Variants in CCAR1 observed in about 807,000 individuals in gnomAD.
The protein encoded by CCAR1 is cell division cycle and apoptosis regulator 1, also known as cell division cycle and apoptosis regulator protein 1.
Under a neutral mutation model 163.8 loss-of-function variants are expected in CCAR1, and 78 were observed. The observed-to-expected ratio is 0.48, with a 90% confidence interval of 0.40 to 0.57. The LOEUF (loss-of-function observed/expected upper bound fraction) is 0.57, where lower values mean the gene tolerates loss of function less well. Ranked by LOEUF, CCAR1 falls within the 20% of genes least tolerant of loss-of-function variation. The pLI is 0.00. For missense variants in CCAR1, 1,019 were observed against 1,365.2 expected (o/e 0.75, Z 4.00); for synonymous variants, 443 against 460.7 (o/e 0.96, Z 0.49).
chr10:68,726,191 G>T lies in CCAR1; in HGVS notation c.73+3614G>T, dbSNP rs183500020. On this transcript the variant is annotated intron_variant, in intron 2 of 24. Transcript: ENST00000265872. ...TTTTGAGATTGAGTCTCGCTCTGTT[G>T]CCCAGGCTGGAGTGCAGTGGCATGA... Among the ~76,000 whole-genome samples, 4 of 140,538 alleles carry T rather than the reference G, an allele frequency of 2.8e-5. No homozygotes were observed. In the East Asian group the frequency reaches 8.6e-4, roughly 30 times the overall value. 92.2% of individuals were successfully genotyped at this position (140,538 alleles called of 152,430 possible). A position where few individuals can be genotyped will look rare whatever the true frequency, so the allele number is the denominator to read the frequency against.
intron 15 of CCAR1, among the ~76,000 whole-genome samples, chr10:68,758,503 AGTGTGT>A (rs71028777): frequency 0.049 from 6,103 of 124,534 alleles, 250 homozygotes; most frequent in African/African-American, 0.1. Flanking sequence ...CATCCTGGGC[AGTGTGT>A]GTGTGTGTGT....
intron 17 of CCAR1, among the ~76,000 whole-genome samples, chr10:68,767,114 CTT>C (rs2056545848): frequency 6.6e-6 from 1 of 152,152 alleles, no homozygotes; most frequent in Non-Finnish European, 1.5e-5. Context: ...CTAGTTGTCT[CTT>C]TTGGGGATGA....
At chr10:68,768,304 CT>C (rs111504410) in intron 17 of CCAR1, among the ~76,000 whole-genome samples, 11,625 of 147,516 alleles carry the variant, frequency 0.079, 1,242 homozygotes, top group African/African-American at 0.25. Context: ...ATGATGTTAT[CT>C]TTTTTTTTTT....
At chr10:68,745,620 C>T (rs140041944) in intron 6 of CCAR1, among the ~76,000 whole-genome samples, 2,358 of 152,052 alleles carry the variant, frequency 0.016, 75 homozygotes, top group African/African-American at 0.054. Context: ...CCTACCACCA[C>T]GCCTGGCTAA....
At chr10:68,753,755 C>A in intron 10 of CCAR1, 97 bp from the exon 11 acceptor site, 1 of 894,636 alleles carries the variant, frequency 1.1e-6, no homozygotes, top group Non-Finnish European at 1.8e-6. Context: ...TTTCAGCTTA[C>A]TTTTTACTAT....
At chr10:68,775,591 C>T (rs983992149) in intron 19 of CCAR1, among the ~76,000 whole-genome samples, 1 of 150,594 alleles carries the variant, frequency 6.6e-6, no homozygotes, top group East Asian at 1.9e-4. Context: ...CTCACTGCAA[C>T]CTCTGCCTCC....
Position 68,761,145 on chromosome 10 carries a change from A to C in CCAR1, c.2059A>C (p.Lys687Gln). 6.2e-7 allele frequency: 1 copy of C among 1,609,996 alleles called. No homozygotes were observed. The highest frequency in any genetic ancestry group is 8.5e-7 in the Non-Finnish European group (1 of 1,178,646). ...EEQKELEKSE[K>Q]EEDEDDDRKS... ...ACAGAAGGAGTTAGAGAAATCTGAAAAAGAAGAGGATGAGGATGATGATAG... is the reference window on the plus strand; with the variant it reads ...ACAGAAGGAGTTAGAGAAATCTGAACAAGAAGAGGATGAGGATGATGATAG... Residue 687 changes from lysine to glutamine, a missense_variant, in exon 16 of 25, where the codon AAA becomes CAA. Around this residue, in one of 4 missense-constraint regions of CCAR1, gnomAD observed 644 missense variants for 904.4 expected, o/e 0.71. Transcript: ENST00000265872.
intron 23 of CCAR1, among the ~76,000 whole-genome samples, chr10:68,789,392 G>A (rs914277627): frequency 1.3e-5 from 2 of 151,338 alleles, no homozygotes; most frequent in African/African-American, 4.8e-5. Flanking sequence ...AGGAGTTCGA[G>A]ACCAGCCTGA....
chr10:68,742,319 C>T (rs894714219), intron 5 of CCAR1, 57 bp from the exon 6 acceptor site: 1 of 1,384,356 alleles, frequency 7.2e-7, no homozygotes, highest in Non-Finnish European at 9.9e-7. Context: ...TAGTCATATT[C>T]AGTTTTTAGA....
rs373947681 is a variant in CCAR1 at position 68,782,935 on chromosome 10, T to C, written c.2651-3201T>C. Among the ~76,000 whole-genome samples, 82 of 151,826 alleles carry C rather than the reference T, an allele frequency of 5.4e-4. 1 individual carries two copies. Among genetic ancestry groups the C allele is most frequent in the African/African-American group, 1.8e-3 (74 of 41,318 alleles). ...GCTCTGATGGAGATGTACAAGGAGA[T>C]TAATGTTTCATGGCTGCAACATCTA... On this transcript the variant is annotated intron_variant, in intron 19 of 24. Coordinates refer to ENST00000265872, the MANE Select transcript of CCAR1 (RefSeq NM_018237.4).
intron 16 of CCAR1, among the ~76,000 whole-genome samples, chr10:68,763,795 G>A (rs2056504040): frequency 6.6e-6 from 1 of 152,122 alleles, no homozygotes; most frequent in Non-Finnish European, 1.5e-5. Flanking sequence ...TTGGACGGTG[G>A]GAGTTCTTTC....
At chr10:68,727,161 G>A (rs1343719266) in intron 2 of CCAR1, among the ~76,000 whole-genome samples, 1 of 147,264 alleles carries the variant, frequency 6.8e-6, no homozygotes, top group Non-Finnish European at 1.5e-5. Flanking sequence ...TCTGCCTCCC[G>A]GGTTCAAGTG....
At chr10:68,732,481 C>A (rs942141924) in intron 2 of CCAR1, among the ~76,000 whole-genome samples, 10 of 152,066 alleles carry the variant, frequency 6.6e-5, no homozygotes, top group African/African-American at 2.4e-4. Flanking sequence ...TCCTGAGTAG[C>A]TGGTACTACA....
At chr10:68,744,027 G>GC (rs542838683) in intron 6 of CCAR1, among the ~76,000 whole-genome samples, 5 of 152,270 alleles carry the variant, frequency 3.3e-5, no homozygotes, top group Admixed American at 3.3e-4. Context: ...GGGATTACAG[G>GC]CGTAAGCCAC....
At chr10:68,779,513 C>T (rs1156344991) in intron 19 of CCAR1, among the ~76,000 whole-genome samples, 1 of 152,142 alleles carries the variant, frequency 6.6e-6, no homozygotes, top group Non-Finnish European at 1.5e-5. Context: ...CCCACCTCAG[C>T]CTCCCAAAGT....
chr10:68,744,002 G>T (rs1589161940), intron 6 of CCAR1, among the ~76,000 whole-genome samples: 1 of 152,060 alleles, frequency 6.6e-6, no homozygotes, highest in Non-Finnish European at 1.5e-5. Flanking sequence ...ACCTGCCTCG[G>T]CCTCCTAAAG....
At chr10:68,729,234 C>CGTG in intron 2 of CCAR1, among the ~76,000 whole-genome samples, 1 of 150,864 alleles carries the variant, frequency 6.6e-6, no homozygotes, top group East Asian at 1.9e-4. Flanking sequence ...TGTAGCCAGG[C>CGTG]GTGGTGACTT....
At position 68,749,600 on chromosome 10, in the gene CCAR1, C is replaced by T; in HGVS notation, c.1033C>T (p.Arg345Ter). The T allele has an allele frequency of 1.2e-6, 2 of 1,613,838 alleles. No individual in the cohort carries two copies. Among genetic ancestry groups the T allele is most frequent in the Non-Finnish European group, 1.7e-6 (2 of 1,179,778 alleles). The change falls in exon 10 of 25, where the codon CGA becomes TGA. Residue 345 changes from arginine to a stop codon, truncating the protein, a stop_gained. Coordinates refer to ENST00000265872, the MANE Select transcript of CCAR1 (RefSeq NM_018237.4). LOFTEE classifies it high-confidence loss of function. ...GAAACGTTCCCGGGAAAGATCTCCA[C>T]GAAGAGAGCGAGAGCGATCACCTCG... ...QRKRSRERSP[R>*]RERERSPRRV...
At chr10:68,774,923 AAG>A (rs2133406861) in intron 19 of CCAR1, 1 of 384,228 alleles carries the variant, frequency 2.6e-6, no homozygotes, top group Non-Finnish European at 4.9e-6. Context: ...AGAAAATTAT[AAG>A]AGTTCTTTTT....
Sources: allele counts gnomAD v4.1 joint callset (sites outside exome capture counted in the v4.1 genomes callset), GRCh38; gene constraint gnomAD v4.1.1; regional missense constraint gnomAD v4.1.1; transcripts MANE v1.5; gene names NCBI Gene and HGNC (gene_info 2026-07-23, HGNC 2026-07-21).